The following PABPC4L variants were observed in gnomAD, a reference collection of about 807,000 sequenced individuals.
The protein encoded by PABPC4L is poly(A) binding protein cytoplasmic 4 like.
For synonymous variants in PABPC4L, 169 were observed against 164.1 expected, an observed-to-expected ratio of 1.03 and a Z score of -0.23; for missense variants, 452 against 451.4, an observed-to-expected ratio of 1.00 and a Z score of -0.01.
the PABPC4L span, among the ~76,000 whole-genome samples, chr4:134,160,582 C>G: frequency 6.6e-6 from 1 of 152,138 alleles, no homozygotes; most frequent in South Asian, 2.1e-4. Context: ...CCACAAGCAT[C>G]AAAAACATCC....
the PABPC4L span, among the ~76,000 whole-genome samples, chr4:133,992,098 G>A: frequency 1.3e-5 from 2 of 152,176 alleles, no homozygotes; most frequent in African/African-American, 4.8e-5. Flanking sequence ...TTTGGGGTCT[G>A]GGATGTCCCA....
the PABPC4L span, among the ~76,000 whole-genome samples, chr4:133,973,755 A>G: frequency 6.6e-6 from 1 of 152,168 alleles, no homozygotes; most frequent in Non-Finnish European, 1.5e-5. Context: ...AACAATGCAT[A>G]TACAACACAT....
the PABPC4L span, among the ~76,000 whole-genome samples, chr4:134,059,821 T>C: frequency 2.0e-5 from 3 of 151,950 alleles, no homozygotes; most frequent in African/African-American, 7.2e-5. Flanking sequence ...ACGAATCATC[T>C]CCCCGACAGG....
At chr4:134,127,953 A>G in the PABPC4L span, among the ~76,000 whole-genome samples, 1 of 152,266 alleles carries the variant, frequency 6.6e-6, no homozygotes, top group East Asian at 1.9e-4. Context: ...AATAAATAGC[A>G]TGAATAAAAA....
the PABPC4L span, among the ~76,000 whole-genome samples, chr4:134,181,941 AG>A: frequency 6.6e-6 from 1 of 151,794 alleles, no homozygotes; most frequent in African/African-American, 2.4e-5. Flanking sequence ...AAATGCCCAA[AG>A]CAATTGACAT....
Position 134,200,418 on chromosome 4 carries a change from A to T in PABPC4L, c.602T>A (p.Met201Lys). Residue 201 changes from methionine (M) to lysine (K), a missense_variant, in exon 2 of 2, where the codon ATG becomes AAG. By Grantham distance (95) the Met-to-Lys change is moderately conservative. Transcript: ENST00000421491. ...AACGTCCTTCAATCTCTCATCATCC[A>T]TGTCACCTCCAAAGTTTTTTATGTA... ...NVYIKNFGGD[M>K]DDERLKDVFS... is the part of the protein sequence containing the mutation. 1 of 1,554,946 alleles carries T rather than the reference A, an allele frequency of 6.4e-7. No individual in the cohort carries two copies. Among genetic ancestry groups the T allele is most frequent in the Non-Finnish European group, 8.7e-7 (1 of 1,148,554 alleles).
the PABPC4L span, among the ~76,000 whole-genome samples, chr4:134,076,959 T>G: frequency 6.6e-6 from 1 of 152,194 alleles, no homozygotes; most frequent in African/African-American, 2.4e-5. Flanking sequence ...ATAATTATAT[T>G]TCTGTGCTAC....
the PABPC4L span, among the ~76,000 whole-genome samples, chr4:134,147,726 A>AGT: frequency 4.8e-3 from 695 of 145,428 alleles, 4 homozygotes; most frequent in Middle Eastern, 0.014. Context: ...CAGAAATTAC[A>AGT]GTGTGTGTGT....
chr4:134,123,763 G>A, the PABPC4L span, among the ~76,000 whole-genome samples: 34 of 151,356 alleles, frequency 2.2e-4, no homozygotes, highest in African/African-American at 7.8e-4. Flanking sequence ...ATGCCTAAGA[G>A]AAAGGCATAG....
the PABPC4L span, among the ~76,000 whole-genome samples, chr4:134,073,646 G>T: frequency 6.6e-5 from 10 of 152,294 alleles, no homozygotes; most frequent in Admixed American, 5.9e-4. Context: ...TTTAGCAGAG[G>T]TTCTCCATGA....
the PABPC4L span, among the ~76,000 whole-genome samples, chr4:134,006,183 C>A: frequency 6.6e-6 from 1 of 151,826 alleles, no homozygotes; most frequent in East Asian, 1.9e-4. Context: ...TTTTTCCATG[C>A]TGCTCATGGA....
chr4:133,983,650 T>C, the PABPC4L span, among the ~76,000 whole-genome samples: 1 of 151,934 alleles, frequency 6.6e-6, no homozygotes, highest in East Asian at 1.9e-4. Flanking sequence ...CAGATTTTTA[T>C]AAAATTTTAT....
the PABPC4L span, among the ~76,000 whole-genome samples, chr4:134,007,618 A>G: frequency 1.1e-3 from 164 of 151,766 alleles, no homozygotes; most frequent in African/African-American, 3.9e-3. Context: ...TTATACCTCA[A>G]TTTCAACATA....
At chr4:134,190,888 G>A in the PABPC4L span, among the ~76,000 whole-genome samples, 1 of 152,066 alleles carries the variant, frequency 6.6e-6, no homozygotes, top group Non-Finnish European at 1.5e-5. Context: ...CTGACCTCAG[G>A]TAATCTGCCC....
At chr4:134,013,131 T>C in the PABPC4L span, among the ~76,000 whole-genome samples, 1,592 of 152,038 alleles carry the variant, frequency 0.01, 20 homozygotes, top group African/African-American at 0.037. Context: ...TCTCTGTGTC[T>C]CTACCCCTTC....
the PABPC4L span, among the ~76,000 whole-genome samples, chr4:134,056,676 T>C: frequency 9.2e-5 from 14 of 152,020 alleles, no homozygotes; most frequent in African/African-American, 3.1e-4. Flanking sequence ...TTAATTTTAG[T>C]ATCCACATAT....
the PABPC4L span, among the ~76,000 whole-genome samples, chr4:134,080,058 TA>T: frequency 6.6e-6 from 1 of 152,250 alleles, no homozygotes; most frequent in African/African-American, 2.4e-5. Flanking sequence ...GGAATGAGAT[TA>T]TTTCCTACTG....
chr4:134,042,708 G>GT, the PABPC4L span, among the ~76,000 whole-genome samples: 2 of 152,078 alleles, frequency 1.3e-5, no homozygotes, highest in African/African-American at 4.8e-5. Flanking sequence ...ATTTTAATAA[G>GT]TTTTGTTTGA....
the PABPC4L span, among the ~76,000 whole-genome samples, chr4:133,989,598 C>T: frequency 6.6e-6 from 1 of 152,144 alleles, no homozygotes; most frequent in African/African-American, 2.4e-5. Context: ...CTCTCTGTCT[C>T]CTGAGCCCTC....
Sources: allele counts gnomAD v4.1 joint callset (sites outside exome capture counted in the v4.1 genomes callset), GRCh38; gene constraint gnomAD v4.1.1; transcripts MANE v1.5; gene names NCBI Gene and HGNC (gene_info 2026-07-23, HGNC 2026-07-21).